SYNJ1: variants seen among roughly 807,000 people sequenced by gnomAD.
SYNJ1 encodes the protein polyphosphatidylinositol phosphatase SYNJ1.
SYNJ1 carries 78 observed loss-of-function variants against 168.2 expected under a neutral mutation model. The observed-to-expected ratio is 0.46, with a 90% CI of 0.39 to 0.56. The LOEUF is 0.56. Ranked by LOEUF, SYNJ1 falls within the 20% of genes least tolerant of loss-of-function variation. SYNJ1 has a pLI of 0.00. For missense variants in SYNJ1, 1,303 were observed against 1,597.6 expected (o/e 0.82, Z 3.14); for synonymous variants, 539 against 548.6 (o/e 0.98, Z 0.24).
Position 32,675,820 on chromosome 21 carries a change from A to G in SYNJ1, c.1534+512T>C, listed in dbSNP as rs540228611. ...AATCTTGGCACTTTTTAAAATTAAA[A>G]GATTTCAGATCATATTTTAGTGCAA... On this transcript the variant is annotated intron_variant, in intron 13 of 32. Coordinates refer to ENST00000674351, the MANE Select transcript of SYNJ1 (RefSeq NM_203446.3). Among the ~76,000 whole-genome samples, 3 of 152,360 alleles carry G rather than the reference A, an allele frequency of 2.0e-5. No individual in the cohort carries two copies. The East Asian group carries it at 5.8e-4, about 29-fold the overall frequency.
chr21:32,681,534 T>C lies in SYNJ1; in HGVS notation c.1315A>G (p.Ile439Val), dbSNP rs1569085743. Residue 439 changes from isoleucine to valine, a missense_variant, in exon 11 of 33, where the codon ATA (isoleucine) becomes GTA (valine). By Grantham distance (29) the Ile-to-Val change is conservative (BLOSUM62 3). Coordinates refer to ENST00000674351, the MANE Select transcript of SYNJ1 (RefSeq NM_203446.3). ...WSVNGDSISK[I>V]YAGTGALEGK... ...TCAAGAGCTCCAGTTCCTGCATATATCTTACTGATTGAATCACCATTCACG... is the reference window on the plus strand; with the variant it reads ...TCAAGAGCTCCAGTTCCTGCATATACCTTACTGATTGAATCACCATTCACG... 1.2e-5 allele frequency: 19 copies of C among 1,613,338 alleles called. No homozygotes were observed. The highest frequency in any genetic ancestry group is 1.6e-5 in the Non-Finnish European group (19 of 1,179,562).
intron 2 of SYNJ1, among the ~76,000 whole-genome samples, chr21:32,707,686 G>A (rs768644816): frequency 6.6e-6 from 1 of 151,972 alleles, no homozygotes; most frequent in Non-Finnish European, 1.5e-5. Context: ...GACTCTGAAT[G>A]GAACACTGCA....
At position 32,665,066 on chromosome 21, in the gene SYNJ1, C is replaced by A; in HGVS notation, c.2151G>T (p.Arg717Ser). Residue 717 changes from arginine to serine, a missense_variant, in exon 18 of 33, where the codon AGG (arginine) becomes AGT (serine). This residue lies in a region of SYNJ1 where 920 missense variants were observed against 1,208.8 expected (regional missense o/e 0.76). Transcript: ENST00000674351. Reference sequence around the variant, plus strand: ...ATACATAGTCATGGGAAAATAGCATCCTTCCCTGAAAGCAATGAGATAGAA... The same window carrying A: ...ATACATAGTCATGGGAAAATAGCATACTTCCCTGAAAGCAATGAGATAGAA... ...IARKLSFPMG[R>S]MLFSHDYVFW... is the part of the protein sequence containing the mutation. 1 of 1,589,350 alleles carries A rather than the reference C, an allele frequency of 6.3e-7. No homozygotes were observed. Among genetic ancestry groups the A allele is most frequent in the Non-Finnish European group, 8.6e-7 (1 of 1,167,396 alleles).
Position 32,644,988 on chromosome 21 carries a change from G to A in SYNJ1, c.3410C>T (p.Pro1137Leu), listed in dbSNP as rs569046864. Residue 1137 changes from proline (P) to leucine (L), a missense_variant, in exon 26 of 33, where the codon CCC becomes CTC. By Grantham distance (98) the Pro-to-Leu change is moderately conservative. Transcript: ENST00000674351. ...GTTACCTCCAAATTCCTTTCTAGTG[G>A]GTGCAGGACTCCTAGCCCCTTATAG... ...PPPSGARSPA[P>L]TRKEFGGIGA... is the part of the protein sequence containing the mutation. 28 of 1,606,344 alleles carry A rather than the reference G, an allele frequency of 1.7e-5. No homozygotes were observed. The Admixed American group carries it at 4.5e-4, about 26-fold the overall frequency.
chr21:32,641,907 T>C lies in SYNJ1; in HGVS notation c.3577A>G (p.Thr1193Ala). 6.2e-7 allele frequency: 1 copy of C among 1,612,462 alleles called. No individual in the cohort carries two copies. The highest frequency in any genetic ancestry group is 8.5e-7 in the Non-Finnish European group (1 of 1,179,070). The change falls in exon 29 of 33, where the codon ACA becomes GCA. Residue 1193 changes from threonine (T) to alanine (A), a missense_variant. Thr to Ala is a moderately conservative substitution (Grantham distance 58, BLOSUM62 0). Around this residue, in one of 2 missense-constraint regions of SYNJ1, gnomAD observed 383 missense variants for 388.8 expected, o/e 0.99. Coordinates refer to ENST00000674351, the MANE Select transcript of SYNJ1 (RefSeq NM_203446.3). ...LAGPGPAGYSTARPTIPPRAG... is the reference protein window; with the variant it reads ...LAGPGPAGYSAARPTIPPRAG... ...GAGGTTTTACCTACCGGTCTGGCTG[T>C]ACTGTATCCAGCAGGTCCTGGGCCT... is the stretch of plus-strand genomic sequence containing the variant.
At chr21:32,680,162 T>C (rs2041565619) in intron 11 of SYNJ1, among the ~76,000 whole-genome samples, 2 of 152,126 alleles carry the variant, frequency 1.3e-5, no homozygotes, top group South Asian at 4.1e-4. Flanking sequence ...AGTAAATATT[T>C]GTAAAAGTCA....
chr21:32,654,990 T>C (rs1375200781), intron 21 of SYNJ1, among the ~76,000 whole-genome samples: 1 of 152,262 alleles, frequency 6.6e-6, no homozygotes, highest in Non-Finnish European at 1.5e-5. Context: ...CTTAGTCATC[T>C]TGGGGTTTAA....
intron 2 of SYNJ1, among the ~76,000 whole-genome samples, chr21:32,710,118 C>T (rs1171554516): frequency 1.3e-5 from 2 of 151,722 alleles, no homozygotes; most frequent in African/African-American, 4.8e-5. Flanking sequence ...CATAAAAGCT[C>T]GAACCCAGGA....
Position 32,641,890 on chromosome 21 carries a change from AC to A in SYNJ1, c.3588+5del. On this transcript the variant is annotated splice_donor_5th_base_variant and intron_variant, in intron 29 of 32. Transcript: ENST00000674351. ...ACCCCTTGGCCCCAGGCGAGGTTTT[AC>A]CTACCGGTCTGGCTGTACTGTATCC... The A allele has an allele frequency of 1.2e-6, 2 of 1,606,886 alleles. No homozygotes were observed. Among genetic ancestry groups the A allele is most frequent in the Non-Finnish European group, 1.7e-6 (2 of 1,176,392 alleles).
In SYNJ1 at chr21:32,686,961, G is replaced by T. The variant is rs756318817; in HGVS notation, c.948+17C>A. On this transcript the variant is annotated intron_variant, in intron 8 of 32. Coordinates refer to ENST00000674351, the MANE Select transcript of SYNJ1 (RefSeq NM_203446.3). ...GTGTCCATGGGCCAGAATGAAATAA[G>T]AAATGACCATACTTACCTGGAAAGC... The T allele has an allele frequency of 2.0e-6, 3 of 1,479,262 alleles. No homozygotes were observed. Among genetic ancestry groups the T allele is most frequent in the Non-Finnish European group, 2.7e-6 (3 of 1,096,536 alleles). The allele number at this position is 1,479,262 out of a possible 1,614,324, so 91.6% of individuals were successfully genotyped here.
intron 5 of SYNJ1, 79 bp downstream of exon 5, chr21:32,694,976 CAA>C (rs1840203917): frequency 3.0e-6 from 4 of 1,316,882 alleles, no homozygotes; most frequent in Non-Finnish European, 4.2e-6. Context: ...AGCTCCGAAT[CAA>C]ATAAAAATCT....
chr21:32,707,275 T>C (rs1170178814), intron 2 of SYNJ1, among the ~76,000 whole-genome samples: 1 of 151,272 alleles, frequency 6.6e-6, no homozygotes, highest in African/African-American at 2.4e-5. Flanking sequence ...AAGTCTTATT[T>C]CTTTTTCCTT....
At chr21:32,697,907 A>C (rs930081263) in intron 4 of SYNJ1, among the ~76,000 whole-genome samples, 1 of 152,204 alleles carries the variant, frequency 6.6e-6, no homozygotes, top group African/African-American at 2.4e-5. Context: ...TTATCTCTCA[A>C]TCTAAGAAAC....
At chr21:32,712,616 G>A (rs530742280) in intron 2 of SYNJ1, among the ~76,000 whole-genome samples, 1 of 151,980 alleles carries the variant, frequency 6.6e-6, no homozygotes, top group Non-Finnish European at 1.5e-5. Flanking sequence ...CAGGCCCCTG[G>A]CAAGGTTCTA....
At chr21:32,678,946 A>G in intron 11 of SYNJ1, 145 bp from the exon 12 acceptor site, 1 of 1,074,884 alleles carries the variant, frequency 9.3e-7, no homozygotes, top group South Asian at 1.8e-5. Flanking sequence ...ATATATAGTC[A>G]TGACAATTAA....
chr21:32,662,494 G>A (rs2040752986), intron 18 of SYNJ1, among the ~76,000 whole-genome samples: 1 of 152,182 alleles, frequency 6.6e-6, no homozygotes, highest in Non-Finnish European at 1.5e-5. Context: ...TGATCCCTCT[G>A]TGGCCTCCCA....
intron 18 of SYNJ1, 137 bp from the exon 19 acceptor site, chr21:32,658,009 T>C (rs1483046638): frequency 1.1e-5 from 7 of 648,046 alleles, no homozygotes; most frequent in South Asian, 2.0e-5. Context: ...TGAACACTTC[T>C]AGCTGAATGG....
intron 13 of SYNJ1, among the ~76,000 whole-genome samples, chr21:32,674,948 T>C (rs74975956): frequency 0.011 from 1,641 of 152,286 alleles, 32 homozygotes; most frequent in African/African-American, 0.038. Flanking sequence ...TATATCCCCA[T>C]TGTTTCCAGG....
chr21:32,706,718 T>A (rs753161120), intron 2 of SYNJ1, among the ~76,000 whole-genome samples: 10 of 152,192 alleles, frequency 6.6e-5, no homozygotes, highest in Non-Finnish European at 1.2e-4. Flanking sequence ...CCTGTACATT[T>A]TTTTAATGGG....
Sources: allele counts gnomAD v4.1 joint callset (sites outside exome capture counted in the v4.1 genomes callset), GRCh38; gene constraint gnomAD v4.1.1; regional missense constraint gnomAD v4.1.1; transcripts MANE v1.5; gene names NCBI Gene and HGNC (gene_info 2026-07-23, HGNC 2026-07-21).